NTRK2: variants seen among roughly 807,000 people sequenced by gnomAD.
NTRK2 encodes neurotrophic receptor tyrosine kinase 2.
A neutral mutation model predicts 94.5 loss-of-function variants in NTRK2; 13 were observed. The observed-to-expected ratio is 0.14, with a 90% CI of 0.09 to 0.22. The LOEUF is 0.22. Ranked by LOEUF, NTRK2 falls within the 10% of genes least tolerant of loss-of-function variation. The pLI, the probability that NTRK2 is intolerant of heterozygous loss-of-function variation, is 1.00. For synonymous variants in NTRK2, 372 were observed against 407.4 expected (o/e 0.91, Z 1.05); for missense variants, 639 against 1,071.2 (o/e 0.60, Z 5.63).
At chr9:84,917,568 G>C (rs2077431912) in intron 14 of NTRK2, among the ~76,000 whole-genome samples, 1 of 152,162 alleles carries the variant, frequency 6.6e-6, no homozygotes, top group Non-Finnish European at 1.5e-5. Flanking sequence ...TGACTCAAGT[G>C]TTCTTGCCTA....
chr9:84,959,436 A>G (rs1407582477), intron 17 of NTRK2, among the ~76,000 whole-genome samples: 1 of 152,154 alleles, frequency 6.6e-6, no homozygotes, highest in Non-Finnish European at 1.5e-5. Context: ...CCTTCCACTC[A>G]TGGTGGCTTA....
chr9:84,947,806 A>T (rs1398457822), intron 15 of NTRK2, among the ~76,000 whole-genome samples: 1 of 152,250 alleles, frequency 6.6e-6, no homozygotes, highest in Admixed American at 6.5e-5. Context: ...ACTAAATGCC[A>T]GCTTTGCCCT....
chr9:84,684,234 A>G (rs1453192337), intron 2 of NTRK2, among the ~76,000 whole-genome samples: 2 of 152,120 alleles, frequency 1.3e-5, no homozygotes, highest in African/African-American at 4.8e-5. Context: ...TTTCGTTGCA[A>G]TTGCTTTTGA....
intron 14 of NTRK2, among the ~76,000 whole-genome samples, chr9:84,878,631 TAAAA>T (rs35468448): frequency 7.4e-6 from 1 of 135,622 alleles, no homozygotes; most frequent in East Asian, 2.2e-4. Context: ...AGACTATGTC[TAAAA>T]AAAAAAAAAA....
At chr9:84,716,949 C>T (rs2061746164) in intron 6 of NTRK2, among the ~76,000 whole-genome samples, 1 of 152,146 alleles carries the variant, frequency 6.6e-6, no homozygotes, top group Non-Finnish European at 1.5e-5. Flanking sequence ...AGGTCAGGCT[C>T]ATTTTGACTT....
chr9:84,980,139 T>TTGTG (rs375149104), intron 17 of NTRK2, among the ~76,000 whole-genome samples: 1 of 152,060 alleles, frequency 6.6e-6, no homozygotes, highest in African/African-American at 2.4e-5. Context: ...TGTGTTCATT[T>TTGTG]TGTGTGTGTG....
intron 14 of NTRK2, among the ~76,000 whole-genome samples, chr9:84,889,209 C>T (rs2076522293): frequency 6.6e-6 from 1 of 150,652 alleles, no homozygotes; most frequent in African/African-American, 2.4e-5. Flanking sequence ...CCAGGATGGT[C>T]TCGATCTCCT....
chr9:84,769,058 G>C (rs986574566), intron 12 of NTRK2, among the ~76,000 whole-genome samples: 4 of 152,126 alleles, frequency 2.6e-5, no homozygotes, highest in African/African-American at 9.7e-5. Context: ...GCCTACTTGA[G>C]AAAGAGTTCA....
chr9:84,952,833 A>G (rs2132943916), intron 16 of NTRK2, among the ~76,000 whole-genome samples: 1 of 152,334 alleles, frequency 6.6e-6, no homozygotes, highest in African/African-American at 2.4e-5. Context: ...GTTGGAGGAC[A>G]GAATTTTGTG....
At chr9:84,737,257 T>C (rs1211669523) in intron 9 of NTRK2, among the ~76,000 whole-genome samples, 1 of 152,200 alleles carries the variant, frequency 6.6e-6, no homozygotes, top group Non-Finnish European at 1.5e-5. Context: ...CTACCTCTCT[T>C]CCCACAATAT....
intron 14 of NTRK2, among the ~76,000 whole-genome samples, chr9:84,922,616 T>G (rs1230806836): frequency 6.6e-6 from 1 of 152,168 alleles, no homozygotes; most frequent in African/African-American, 2.4e-5. Flanking sequence ...CAAGACCCAG[T>G]TACTACATCC....
chr9:84,721,498 G>A (rs552714387), intron 6 of NTRK2, among the ~76,000 whole-genome samples: 1 of 152,142 alleles, frequency 6.6e-6, no homozygotes, highest in Non-Finnish European at 1.5e-5. Flanking sequence ...TAATCTTTAT[G>A]TCTCCATTGA....
chr9:84,681,482 A>G (rs994673300), intron 2 of NTRK2, among the ~76,000 whole-genome samples: 2 of 152,158 alleles, frequency 1.3e-5, no homozygotes, highest in African/African-American at 2.4e-5. Context: ...GGTCTTCTCT[A>G]TGTTGGGAAC....
At chr9:84,990,101 G>A (rs1429915319) in intron 17 of NTRK2, among the ~76,000 whole-genome samples, 1 of 152,162 alleles carries the variant, frequency 6.6e-6, no homozygotes, top group East Asian at 1.9e-4. Context: ...TAGATGAAAT[G>A]CTTTGGAAAC....
intron 14 of NTRK2, among the ~76,000 whole-genome samples, chr9:84,919,193 A>G (rs1024785927): frequency 6.6e-6 from 1 of 152,148 alleles, no homozygotes; most frequent in African/African-American, 2.4e-5. Flanking sequence ...TCAGATAAAT[A>G]CATTTTTCAC....
chr9:84,849,057 A>T (rs574171472), intron 12 of NTRK2, among the ~76,000 whole-genome samples: 159 of 152,326 alleles, frequency 1.0e-3, no homozygotes, highest in Admixed American at 6.5e-3. Context: ...TTTTTATAAG[A>T]TAAAAGGCCT....
intron 14 of NTRK2, among the ~76,000 whole-genome samples, chr9:84,908,062 G>T (rs1231900410): frequency 2.6e-5 from 4 of 152,304 alleles, no homozygotes; most frequent in African/African-American, 9.6e-5. Context: ...GAAAGCTGAA[G>T]TTATTCTACT....
At chr9:84,942,073 A>G (rs2132810558) in intron 15 of NTRK2, among the ~76,000 whole-genome samples, 1 of 152,290 alleles carries the variant, frequency 6.6e-6, no homozygotes, top group East Asian at 1.9e-4. Flanking sequence ...TATACAACTA[A>G]CTGAGTTGAT....
At chr9:84,742,043 C>A in intron 10 of NTRK2, 116 bp downstream of exon 10, 1 of 897,470 alleles carries the variant, frequency 1.1e-6, no homozygotes, top group Non-Finnish European at 1.8e-6. Context: ...TTAAGCATTA[C>A]ATAGGCCAAA....
Sources: gnomAD v4.1 joint callset for allele counts (sites outside exome capture counted in the v4.1 genomes callset) on GRCh38, gnomAD v4.1.1 for gene constraint, MANE v1.5 for transcripts, NCBI Gene and HGNC (gene_info 2026-07-23, HGNC 2026-07-21) for gene names.